The following RBFOX3 variants were observed in gnomAD, a reference collection of about 807,000 sequenced individuals.
The protein encoded by RBFOX3 is RNA binding fox-1 homolog 3.
RBFOX3 carries 17 observed loss-of-function variants against 48.7 expected under a neutral mutation model. That is an observed-to-expected ratio of 0.35 (90% confidence interval 0.24 to 0.52). RBFOX3 has a LOEUF of 0.52. Among genes scored for constraint, RBFOX3 ranks in the 20% least tolerant of loss-of-function variants. The pLI is 0.94. For synonymous variants in RBFOX3, 212 were observed against 209.5 expected, an observed-to-expected ratio of 1.01 and a Z score of -0.10; for missense variants, 382 against 497.5, an observed-to-expected ratio of 0.77 and a Z score of 2.21.
At chr17:79,281,421 G>T (rs944428182) in intron 3 of RBFOX3, among the ~76,000 whole-genome samples, 1 of 151,806 alleles carries the variant, frequency 6.6e-6, no homozygotes, top group Non-Finnish European at 1.5e-5. Flanking sequence ...CAGGCTTGTG[G>T]TTTAGCTTGG....
chr17:79,373,633 G>C (rs1265355982), intron 2 of RBFOX3, among the ~76,000 whole-genome samples: 1 of 148,536 alleles, frequency 6.7e-6, no homozygotes, highest in Non-Finnish European at 1.5e-5. Context: ...GCCCACACTG[G>C]AGGCCCCTGG....
At chr17:79,201,423 G>A (rs1407576406) in intron 4 of RBFOX3, among the ~76,000 whole-genome samples, 1 of 151,984 alleles carries the variant, frequency 6.6e-6, no homozygotes, top group East Asian at 1.9e-4. Context: ...CCGAGAAGCA[G>A]GTGGCCTGCT....
intron 4 of RBFOX3, among the ~76,000 whole-genome samples, chr17:79,173,159 G>A (rs2049734217): frequency 1.3e-5 from 2 of 151,896 alleles, no homozygotes; most frequent in South Asian, 2.1e-4. Context: ...GCAGTGAGCC[G>A]AGATTGCACC....
chr17:79,181,398 C>G (rs1005546035), intron 4 of RBFOX3, among the ~76,000 whole-genome samples: 1 of 152,236 alleles, frequency 6.6e-6, no homozygotes, highest in African/African-American at 2.4e-5. Flanking sequence ...CATGGAAAAC[C>G]GGGAGGGGCT....
At chr17:79,250,413 A>G (rs2148245912) in intron 3 of RBFOX3, among the ~76,000 whole-genome samples, 1 of 152,314 alleles carries the variant, frequency 6.6e-6, no homozygotes, top group East Asian at 1.9e-4. Flanking sequence ...TTACATGGAC[A>G]TTCCCAAGGC....
At chr17:79,096,235 A>AG (rs1321285465) in intron 12 of RBFOX3, among the ~76,000 whole-genome samples, 1 of 152,152 alleles carries the variant, frequency 6.6e-6, no homozygotes, top group Non-Finnish European at 1.5e-5. Context: ...GACCCCATCA[A>AG]GGGGGGTAGG....
At chr17:79,274,648 C>A (rs534954492) in intron 3 of RBFOX3, among the ~76,000 whole-genome samples, 1 of 152,184 alleles carries the variant, frequency 6.6e-6, no homozygotes, top group East Asian at 1.9e-4. Flanking sequence ...AGTCAGGGCA[C>A]CAGCGAGGGT....
rs1446409227 is a variant in RBFOX3, at chr17:79,299,221, C to T, written c.-74+8503G>A. Among the ~76,000 whole-genome samples the T allele has an allele frequency of 6.6e-6, 1 of 151,788 alleles. No homozygotes were observed. The highest frequency in any genetic ancestry group is 6.6e-5 in the Admixed American group (1 of 15,246). On this transcript the variant is annotated intron_variant, in intron 3 of 14. Transcript: ENST00000693108. The surrounding 1 kb of genome is among the most constrained non-coding windows in gnomAD (Gnocchi z 4.5). The stretch of plus-strand genomic sequence containing the variant: ...CATTCCTGAAAGTAAACCTGGCAAA[C>T]CCTGGCCAGCACACCCAGACACAAC...
the RBFOX3 span, among the ~76,000 whole-genome samples, chr17:79,657,495 A>G: frequency 2.6e-5 from 4 of 152,200 alleles, no homozygotes; most frequent in Non-Finnish European, 4.4e-5. Context: ...CCTGGCCAAC[A>G]TGGTGAAACC....
intron 4 of RBFOX3, among the ~76,000 whole-genome samples, chr17:79,139,859 T>A (rs911999516): frequency 6.6e-6 from 1 of 152,190 alleles, no homozygotes; most frequent in African/African-American, 2.4e-5. Flanking sequence ...GAGGACGTCT[T>A]GCTGACTTCA....
intron 1 of RBFOX3, among the ~76,000 whole-genome samples, chr17:79,515,772 C>T (rs938908406): frequency 2.6e-5 from 4 of 152,228 alleles, no homozygotes; most frequent in East Asian, 1.9e-4. Context: ...TCGAGGCTCC[C>T]GGCTGAGGTT....
chr17:79,550,172 G>A (rs1297961045), intron 1 of RBFOX3, among the ~76,000 whole-genome samples: 1 of 152,142 alleles, frequency 6.6e-6, no homozygotes, highest in African/African-American at 2.4e-5. Flanking sequence ...AGGGACTTGG[G>A]GAAAAAGAGC....
chr17:79,302,668 A>C (rs1052498823), intron 3 of RBFOX3, among the ~76,000 whole-genome samples: 1 of 151,902 alleles, frequency 6.6e-6, no homozygotes, highest in African/African-American at 2.4e-5. Flanking sequence ...AAAAGAAAAG[A>C]AAAAAAATAG....
At chr17:79,280,756 C>T (rs1470809008) in intron 3 of RBFOX3, among the ~76,000 whole-genome samples, 3 of 148,576 alleles carry the variant, frequency 2.0e-5, no homozygotes, top group Non-Finnish European at 1.5e-5. Flanking sequence ...CCGAAGCATC[C>T]AGATTTGCCT....
rs748229870 is a variant in RBFOX3 at position 79,097,674 on chromosome 17, C to T, written c.622+18G>A. On this transcript the variant is annotated intron_variant, in intron 10 of 14. Coordinates refer to ENST00000693108, the MANE Select transcript of RBFOX3 (RefSeq NM_001350451.2). ...AGTAGCTGGTCTCATCCCATCCCCG[C>T]CCCGCCCCAGCTTTTACCTGCATAG... The T allele has an allele frequency of 6.5e-7, 1 of 1,539,976 alleles. No individual in the cohort carries two copies. Among genetic ancestry groups the T allele is most frequent in the Non-Finnish European group, 8.8e-7 (1 of 1,137,360 alleles).
chr17:79,441,476 G>A (rs546273499), intron 2 of RBFOX3, among the ~76,000 whole-genome samples: 48 of 152,322 alleles, frequency 3.2e-4, no homozygotes, highest in Non-Finnish European at 5.3e-4. Context: ...AGGTGGCCAC[G>A]TGAAGACAGA....
At chr17:79,582,704 G>A (rs1599216365) in intron 1 of RBFOX3, among the ~76,000 whole-genome samples, 1 of 140,170 alleles carries the variant, frequency 7.1e-6, no homozygotes, top group East Asian at 2.3e-4. Context: ...GGCTACTGAA[G>A]CCCGGGATGT....
chr17:79,498,786 TC>T (rs2081966087), intron 1 of RBFOX3, among the ~76,000 whole-genome samples: 1 of 149,116 alleles, frequency 6.7e-6, no homozygotes, highest in South Asian at 2.2e-4. Context: ...CACTCATCCA[TC>T]CACTCACCCA....
chr17:79,126,959 A>G (rs1447250513), intron 4 of RBFOX3, among the ~76,000 whole-genome samples: 11 of 152,184 alleles, frequency 7.2e-5, no homozygotes. Context: ...TGGTCCTCCA[A>G]GAACGCACAG....
Sources: gnomAD v4.1 joint callset for allele counts (sites outside exome capture counted in the v4.1 genomes callset) on GRCh38, gnomAD v4.1.1 for gene constraint, Gnocchi (gnomAD v3.1) non-coding constraint, MANE v1.5 for transcripts, NCBI Gene and HGNC (gene_info 2026-07-23, HGNC 2026-07-21) for gene names.